ATG7: variants seen among roughly 807,000 people sequenced by gnomAD.
ATG7 encodes the protein ubiquitin-like modifier-activating enzyme ATG7.
A neutral mutation model predicts 82.4 loss-of-function variants in ATG7; 70 were observed. That is an observed-to-expected ratio of 0.85 (90% CI 0.70 to 1.04). The LOEUF is 1.04. Among genes scored for constraint, ATG7 ranks in the 50% least tolerant of loss-of-function variants. ATG7 has a pLI of 0.00. For missense variants in ATG7, 792 were observed against 864.3 expected (o/e 0.92, Z 1.05); for synonymous variants, 287 against 313.0 (o/e 0.92, Z 0.88).
At chr3:11,432,511 G>T (rs569804947) in intron 20 of ATG7, among the ~76,000 whole-genome samples, 41 of 152,040 alleles carry the variant, frequency 2.7e-4, no homozygotes, top group Non-Finnish European at 4.4e-4. Context: ...AGCTTGGGAG[G>T]GGGGGTAAAG....
chr3:11,448,998 G>A (rs2084848099), intron 20 of ATG7, among the ~76,000 whole-genome samples: 1 of 152,188 alleles, frequency 6.6e-6, no homozygotes, highest in South Asian at 2.1e-4. Flanking sequence ...AGTCTGTATT[G>A]AGGGTTAACT....
chr3:11,380,921 G>T (rs1418996466), intron 19 of ATG7, among the ~76,000 whole-genome samples: 1 of 152,168 alleles, frequency 6.6e-6, no homozygotes, highest in African/African-American at 2.4e-5. Flanking sequence ...TCTCTATTCT[G>T]AGTTGACAAG....
intron 20 of ATG7, among the ~76,000 whole-genome samples, chr3:11,543,236 G>A (rs2070984456): frequency 6.6e-6 from 1 of 152,230 alleles, no homozygotes; most frequent in South Asian, 2.1e-4. Flanking sequence ...GACTGTCTTT[G>A]TAGTAGAACC....
At chr3:11,451,886 G>GACACACACACACACACAGAC (rs34995509) in intron 20 of ATG7, among the ~76,000 whole-genome samples, 1 of 145,466 alleles carries the variant, frequency 6.9e-6, no homozygotes, top group South Asian at 2.2e-4. Context: ...CACACACACA[G>GACACACACACACACACAGAC]ACACACACAC....
At chr3:11,346,139 G>T (rs1041909407) in intron 13 of ATG7, among the ~76,000 whole-genome samples, 16 of 152,078 alleles carry the variant, frequency 1.1e-4, no homozygotes, top group Non-Finnish European at 2.9e-5. Context: ...TTGGCCTCCC[G>T]AGTAGTCAGG....
chr3:11,536,212 A>G (rs535893083), intron 20 of ATG7, among the ~76,000 whole-genome samples: 1 of 152,336 alleles, frequency 6.6e-6, no homozygotes, highest in South Asian at 2.1e-4. Context: ...CAGTAGATTG[A>G]GAGGCTCATT....
Position 11,395,801 on chromosome 3 carries a change from G to A in ATG7, c.1956+15749G>A, listed in dbSNP as rs563838256. On this transcript the variant is annotated intron_variant, in intron 19 of 20. Transcript: ENST00000693202. ...TAAAAATACAAAAAATTAGCCGGGC[G>A]TGGTGGTGGGCGCCTGTAGTCCCAG... Among the ~76,000 whole-genome samples, 13 of 152,020 alleles carry A rather than the reference G, an allele frequency of 8.6e-5. No homozygotes were observed. In the East Asian group the frequency reaches 1.6e-3, roughly 18 times the overall value.
chr3:11,439,069 C>CTTTTTTTTTTTTTTTTTTT (rs67206280), intron 20 of ATG7, among the ~76,000 whole-genome samples: 5 of 121,976 alleles, frequency 4.1e-5, no homozygotes, highest in African/African-American at 6.3e-5. Flanking sequence ...TTCTTTCTTT[C>CTTTTTTTTTTTTTTTTTTT]TTTTTTTTTT....
intron 20 of ATG7, among the ~76,000 whole-genome samples, chr3:11,478,474 C>T (rs976546797): frequency 3.3e-5 from 5 of 152,166 alleles, no homozygotes; most frequent in Admixed American, 2.6e-4. Flanking sequence ...ATGTGGCTGT[C>T]ATGGCTACAT....
At chr3:11,535,317 C>G (rs1575228870) in intron 20 of ATG7, among the ~76,000 whole-genome samples, 1 of 152,310 alleles carries the variant, frequency 6.6e-6, no homozygotes, top group South Asian at 2.1e-4. Context: ...TGAAGGCTCT[C>G]AGAGGGAAAG....
chr3:11,566,383 A>G, the ATG7 span, among the ~76,000 whole-genome samples: 1 of 152,200 alleles, frequency 6.6e-6, no homozygotes, highest in African/African-American at 2.4e-5. Context: ...CACAACCAGG[A>G]TATCGACAAT....
At chr3:11,564,642 C>T in the ATG7 span, 4 of 875,892 alleles carry the variant, frequency 4.6e-6, no homozygotes. Context: ...CCCAAGTGCA[C>T]AACAGAGGCG....
intron 14 of ATG7, among the ~76,000 whole-genome samples, chr3:11,355,643 A>G (rs921158997): frequency 6.6e-6 from 1 of 152,204 alleles, no homozygotes; most frequent in African/African-American, 2.4e-5. Context: ...AGGGAAATAC[A>G]AGTTAAAACC....
intron 20 of ATG7, among the ~76,000 whole-genome samples, chr3:11,519,354 T>G (rs1286619675): frequency 6.6e-6 from 1 of 152,090 alleles, no homozygotes. Context: ...CTGTGTTTCC[T>G]TGACGCAGTA....
At chr3:11,568,784 G>C in the ATG7 span, 1 of 1,469,726 alleles carries the variant, frequency 6.8e-7, no homozygotes, top group African/African-American at 1.4e-5. The surrounding 1 kb of genome is among the most constrained non-coding windows in gnomAD (Gnocchi z 5.9). Flanking sequence ...TCCTGGTCAG[G>C]ACTGTGCCCG....
At chr3:11,360,047 T>G (rs1341836185) in intron 15 of ATG7, among the ~76,000 whole-genome samples, 1 of 152,354 alleles carries the variant, frequency 6.6e-6, no homozygotes, top group Non-Finnish European at 1.5e-5. Flanking sequence ...TTTTTTTGTT[T>G]GCTTTTTTCT....
At chr3:11,507,573 C>CT (rs1232771846) in intron 20 of ATG7, among the ~76,000 whole-genome samples, 1 of 152,128 alleles carries the variant, frequency 6.6e-6, no homozygotes, top group East Asian at 1.9e-4. Context: ...ATGGACACTG[C>CT]TAATAATGTG....
intron 19 of ATG7, among the ~76,000 whole-genome samples, chr3:11,425,893 G>A (rs1459863916): frequency 6.6e-6 from 1 of 152,126 alleles, no homozygotes; most frequent in Non-Finnish European, 1.5e-5. Context: ...TTATATAAAT[G>A]TAATTGTACA....
intron 9 of ATG7, among the ~76,000 whole-genome samples, chr3:11,331,132 A>G (rs2152753386): frequency 6.6e-6 from 1 of 152,338 alleles, no homozygotes; most frequent in East Asian, 1.9e-4. Flanking sequence ...GGTGCAGACA[A>G]GAATTTGATA....
Sources: allele counts gnomAD v4.1 joint callset (sites outside exome capture counted in the v4.1 genomes callset), GRCh38; gene constraint gnomAD v4.1.1; non-coding constraint Gnocchi (gnomAD v3.1); transcripts MANE v1.5; gene names NCBI Gene and HGNC (gene_info 2026-07-23, HGNC 2026-07-21).